AUTS2: variants seen among roughly 807,000 people sequenced by gnomAD.
AUTS2 encodes autism susceptibility gene 2 protein.
AUTS2 carries 17 observed loss-of-function variants against 112.4 expected under a neutral mutation model. The ratio of observed to expected loss-of-function variants is 0.15; its 90% CI spans 0.10 to 0.23. The LOEUF (loss-of-function observed/expected upper bound fraction) is 0.23, where lower values mean the gene tolerates loss of function less well. Ranked by LOEUF, AUTS2 falls within the 10% of genes least tolerant of loss-of-function variation. The pLI is 1.00. For missense variants in AUTS2, 1,510 were observed against 1,701.6 expected, an observed-to-expected ratio of 0.89 and a Z score of 1.98; for synonymous variants, 751 against 702.7, an observed-to-expected ratio of 1.07 and a Z score of -1.09.
At chr7:70,075,139 T>TGGAG (rs1802965527) in intron 2 of AUTS2, among the ~76,000 whole-genome samples, 1 of 152,234 alleles carries the variant, frequency 6.6e-6, no homozygotes, top group African/African-American at 2.4e-5. Flanking sequence ...GCTGGCTCCA[T>TGGAG]CCAGAACAAT....
At chr7:69,908,225 C>G (rs540164511) in intron 2 of AUTS2, among the ~76,000 whole-genome samples, 18 of 152,312 alleles carry the variant, frequency 1.2e-4, no homozygotes, top group African/African-American at 4.3e-4. Context: ...AGACACACCC[C>G]TTGCTGTACT....
In AUTS2 at chr7:70,790,636, G is replaced by C. The variant is rs751204708; in HGVS notation, c.3420G>C (p.Arg1140=). 1 of 1,612,340 alleles carries C rather than the reference G, an allele frequency of 6.2e-7. No homozygotes were observed. The highest frequency in any genetic ancestry group is 8.5e-7 in the Non-Finnish European group (1 of 1,179,540). Residue 1140 remains arginine (R), a synonymous_variant, in exon 19 of 19, where the codon CGG becomes CGC. Transcript: ENST00000342771. This position sits in a 1 kb window ranked among gnomAD's most constrained non-coding sequence, Gnocchi z 7.6. ...ACCACCCGCTGTCTGTGGACCCTCG[G>C]CGGGAGCACGAGCGGGGAGGCCACC... is the stretch of plus-strand genomic sequence containing the variant. The part of the protein sequence containing the change: ...HHHHPLSVDP[R]REHERGGHLD...
intron 2 of AUTS2, among the ~76,000 whole-genome samples, chr7:70,015,083 A>G (rs963869743): frequency 1.3e-5 from 2 of 152,210 alleles, no homozygotes; most frequent in African/African-American, 4.8e-5. Flanking sequence ...TAACCCGACA[A>G]CACTGTCTCA....
intron 2 of AUTS2, among the ~76,000 whole-genome samples, chr7:69,986,259 A>G (rs980187273): frequency 2.0e-5 from 3 of 152,244 alleles, no homozygotes; most frequent in Non-Finnish European, 2.9e-5. Flanking sequence ...CCCAGCACCT[A>G]GTGCTATGCC....
chr7:70,303,434 GCACATACACACACA>G (rs1444461651), intron 4 of AUTS2, among the ~76,000 whole-genome samples: 3 of 141,948 alleles, frequency 2.1e-5, no homozygotes, highest in South Asian at 4.5e-4. Context: ...GCGCGCGCGC[GCACATACACACACA>G]CACACACACA....
intron 2 of AUTS2, among the ~76,000 whole-genome samples, chr7:69,989,724 C>G (rs1798662642): frequency 6.6e-6 from 1 of 152,140 alleles, no homozygotes; most frequent in Non-Finnish European, 1.5e-5. Flanking sequence ...CCCTAGAGAA[C>G]AGGGACCCCC....
chr7:70,377,099 T>C (rs187808296), intron 4 of AUTS2, among the ~76,000 whole-genome samples: 9 of 151,864 alleles, frequency 5.9e-5, no homozygotes, highest in Admixed American at 5.9e-4. Flanking sequence ...TTTACTGTGT[T>C]TTCTAACTCC....
At chr7:70,279,578 G>A (rs780668335) in intron 4 of AUTS2, among the ~76,000 whole-genome samples, 1 of 152,138 alleles carries the variant, frequency 6.6e-6, no homozygotes, top group Non-Finnish European at 1.5e-5. Flanking sequence ...ATCAGCCTTC[G>A]GTGTGACAGG....
At chr7:69,954,265 C>T in intron 2 of AUTS2, among the ~76,000 whole-genome samples, 1 of 152,042 alleles carries the variant, frequency 6.6e-6, no homozygotes, top group Admixed American at 6.6e-5. Flanking sequence ...ATATTATATA[C>T]TCAAACCCAG....
chr7:70,282,481 C>T (rs985648549), intron 4 of AUTS2, among the ~76,000 whole-genome samples: 4 of 152,140 alleles, frequency 2.6e-5, no homozygotes, highest in Admixed American at 6.5e-5. Flanking sequence ...TAGATGGCAC[C>T]TTCTAGCTGT....
At chr7:70,257,975 A>G (rs146118287) in intron 4 of AUTS2, among the ~76,000 whole-genome samples, 1 of 152,298 alleles carries the variant, frequency 6.6e-6, no homozygotes, top group East Asian at 1.9e-4. Context: ...AGCATGGACA[A>G]TGTGGCACAG....
intron 5 of AUTS2, among the ~76,000 whole-genome samples, chr7:70,457,500 C>T (rs1796791007): frequency 6.6e-6 from 1 of 152,210 alleles, no homozygotes; most frequent in Non-Finnish European, 1.5e-5. Flanking sequence ...AACCCAGTCA[C>T]AAATCACACA....
chr7:70,148,745 G>A (rs541936284), intron 4 of AUTS2, among the ~76,000 whole-genome samples: 17 of 151,986 alleles, frequency 1.1e-4, no homozygotes, highest in Admixed American at 3.9e-4. Flanking sequence ...AACAAAAAAC[G>A]GTGTAAGTGA....
At chr7:70,507,654 A>G (rs977765304) in intron 5 of AUTS2, among the ~76,000 whole-genome samples, 3 of 151,946 alleles carry the variant, frequency 2.0e-5, no homozygotes, top group African/African-American at 4.8e-5. Context: ...AAAATTAGCC[A>G]GGTATGGTGA....
intron 1 of AUTS2, among the ~76,000 whole-genome samples, chr7:69,744,580 C>T (rs1381310732): frequency 6.6e-6 from 1 of 151,428 alleles, no homozygotes; most frequent in African/African-American, 2.4e-5. Context: ...TGCCTGTAAT[C>T]TTAGCACTTT....
chr7:70,495,138 CAA>C (rs940872404), intron 5 of AUTS2, among the ~76,000 whole-genome samples: 6 of 144,306 alleles, frequency 4.2e-5, no homozygotes, highest in Non-Finnish European at 7.5e-5. Context: ...ACCCTAGTAA[CAA>C]AAGTCTCTCA....
intron 4 of AUTS2, among the ~76,000 whole-genome samples, chr7:70,215,957 C>T (rs1232496657): frequency 6.6e-6 from 1 of 152,126 alleles, no homozygotes; most frequent in Non-Finnish European, 1.5e-5. Context: ...CTGCCGAGAG[C>T]TTAAGACAGC....
At chr7:70,256,072 C>T (rs137974991) in intron 4 of AUTS2, among the ~76,000 whole-genome samples, 12 of 152,120 alleles carry the variant, frequency 7.9e-5, no homozygotes, top group Non-Finnish European at 1.3e-4. Flanking sequence ...ATGTGTAGGA[C>T]GCTAATGATG....
chr7:69,607,638 T>C (rs1277063038), intron 1 of AUTS2, among the ~76,000 whole-genome samples: 2 of 152,170 alleles, frequency 1.3e-5, no homozygotes, highest in Non-Finnish European at 2.9e-5. Flanking sequence ...AATGATCAAC[T>C]ACATACAAAT....
Sources: gnomAD v4.1 joint callset for allele counts (sites outside exome capture counted in the v4.1 genomes callset) on GRCh38, gnomAD v4.1.1 for gene constraint, Gnocchi (gnomAD v3.1) non-coding constraint, MANE v1.5 for transcripts, NCBI Gene and HGNC (gene_info 2026-07-23, HGNC 2026-07-21) for gene names.